VARS2: variants seen among roughly 807,000 people sequenced by gnomAD.
VARS2 encodes valine--tRNA ligase, mitochondrial.
In VARS2, 105 loss-of-function variants were observed where a neutral mutation model predicts 154.1. The observed-to-expected ratio is 0.68, with a 90% CI of 0.58 to 0.80. The LOEUF (loss-of-function observed/expected upper bound fraction) is 0.80. VARS2 is among the 30% of genes least tolerant of loss of function. The pLI is 0.00. For synonymous variants in VARS2, 483 were observed against 539.5 expected, an observed-to-expected ratio of 0.90 and a Z score of 1.45; for missense variants, 1,157 against 1,361.4, an observed-to-expected ratio of 0.85 and a Z score of 2.36.
At position 30,916,889 on chromosome 6, in the gene VARS2, A is replaced by C. The variant is rs1794208889; in HGVS notation, c.683A>C (p.Glu228Ala). The C allele has an allele frequency of 6.2e-7, 1 of 1,614,110 alleles. No individual in the cohort carries two copies. The highest frequency in any genetic ancestry group is 2.2e-5 in the East Asian group (1 of 44,886). ...VWQWKEAKGGEICEQLRALGA... is the reference protein window; with the variant it reads ...VWQWKEAKGGAICEQLRALGA... ...CTCTCTGGGCACAGGAAAGGTGGAG[A>C]GATCTGTGAGCAGCTGCGAGCTCTG... Residue 228 changes from glutamate to alanine, a missense_variant, in exon 8 of 30, where the codon GAG (glutamate) becomes GCG (alanine). Physicochemically the swap from Glu to Ala is moderately radical, Grantham distance 107. Transcript: ENST00000676266. This position sits in a 1 kb window ranked among gnomAD's most constrained non-coding sequence, Gnocchi z 4.0.
Position 30,918,812 on chromosome 6 carries a change from A to C in VARS2, c.986-15A>C. 1 of 1,612,110 alleles carries C rather than the reference A, an allele frequency of 6.2e-7. No individual in the cohort carries two copies. The highest frequency in any genetic ancestry group is 8.5e-7 in the Non-Finnish European group (1 of 1,179,402). On this transcript the variant is annotated splice_polypyrimidine_tract_variant and intron_variant, in intron 10 of 29. Transcript: ENST00000676266. Reference sequence around the variant, plus strand: ...GATGATGACCAGCTGTAAGTGTTTAAATGTTTATCTTCAGATGCAGAGGTT... The same window carrying C: ...GATGATGACCAGCTGTAAGTGTTTACATGTTTATCTTCAGATGCAGAGGTT...
At position 30,914,340 on chromosome 6, in the gene VARS2, T is replaced by G; in HGVS notation, c.-32T>G. 2 of 1,233,428 alleles carry G rather than the reference T, an allele frequency of 1.6e-6. No homozygotes were observed. The highest frequency in any genetic ancestry group is 2.0e-6 in the Non-Finnish European group (2 of 984,758). The allele number at this position is 1,233,428 out of a possible 1,614,324, so 76.4% of individuals were successfully genotyped here. ...GGCGCCCTGGGATAGCGGCGGGGCC[T>G]CCTGGTGAGCGCGCGCCGGGGCGGC... On this transcript the variant is annotated 5_prime_UTR_variant, in exon 1 of 30. Transcript: ENST00000676266.
In VARS2 at chr6:30,925,616, G is replaced by T. The variant is rs770663838; in HGVS notation, c.2858G>T (p.Gly953Val). ...TTCTTGGAGCCCCTGGGCACCCTGG[G>T]CTACTGTGGGGCTGTGGGCCTGTTA... ...EAFLEPLGTLGYCGAVGLLPP... is the reference protein window; with the variant it reads ...EAFLEPLGTLVYCGAVGLLPP... Residue 953 changes from glycine to valine, a missense_variant, in exon 28 of 30, where the codon GGC (glycine) becomes GTC (valine). By Grantham distance (109) the Gly-to-Val change is moderately radical. Coordinates refer to ENST00000676266, the MANE Select transcript of VARS2 (RefSeq NM_020442.6). 32 of 1,611,416 alleles carry T rather than the reference G, an allele frequency of 2.0e-5. No individual in the cohort carries two copies. The highest frequency in any genetic ancestry group is 2.7e-5 in the Non-Finnish European group (32 of 1,179,870).
Position 30,926,339 on chromosome 6 carries a change from C to A in VARS2, c.*129C>A. 1 of 947,598 alleles carries A rather than the reference C, an allele frequency of 1.1e-6. No homozygotes were observed. The highest frequency in any genetic ancestry group is 1.6e-6 in the Non-Finnish European group (1 of 620,576). 58.7% of individuals were successfully genotyped at this position (947,598 alleles called of 1,614,324 possible). On this transcript the variant is annotated 3_prime_UTR_variant, in exon 30 of 30. Transcript: ENST00000676266. The stretch of plus-strand genomic sequence containing the variant: ...ATCGCCTTCATTGTGTAAATGAGGA[C>A]ACAGACTGGCTTGGTCGCAGTGACT...
intron 1 of VARS2, 64 bp from the exon 2 acceptor site, chr6:30,914,746 G>A (rs969604461): frequency 4.1e-6 from 6 of 1,458,230 alleles, no homozygotes; most frequent in Non-Finnish European, 5.6e-6. Context: ...AGGAAAGATG[G>A]AACAAGGGGA....
chr6:30,919,109 C>T lies in VARS2; in HGVS notation c.1074+194C>T, dbSNP rs1454605749. The T allele has an allele frequency of 5.3e-6, 3 of 565,906 alleles. No homozygotes were observed. The highest frequency in any genetic ancestry group is 9.4e-6 in the Non-Finnish European group (3 of 318,720). The allele number at this position is 565,906 out of a possible 1,614,324, so 35.1% of individuals were successfully genotyped here. The stretch of plus-strand genomic sequence containing the variant: ...AGGGGTTGACAAACTGGCCCATGGT[C>T]CTAATCCAGCTTGCGGCCTTTTTTT... On this transcript the variant is annotated intron_variant, in intron 11 of 29. Transcript: ENST00000676266. The surrounding 1 kb of genome is among the most constrained non-coding windows in gnomAD (Gnocchi z 4.5).
Position 30,926,376 on chromosome 6 carries a change from G to C in VARS2, c.*166G>C. On this transcript the variant is annotated 3_prime_UTR_variant, in exon 30 of 30. Transcript: ENST00000676266. Reference sequence around the variant, plus strand: ...TGGTCGCAGTGACTGTGGTGTCCTTGAGATGCTCACATTACTGCCCGGCCT... The same window carrying C: ...TGGTCGCAGTGACTGTGGTGTCCTTCAGATGCTCACATTACTGCCCGGCCT... 1.4e-6 allele frequency: 1 copy of C among 700,692 alleles called. No homozygotes were observed. The highest frequency in any genetic ancestry group is 1.8e-5 in the African/African-American group (1 of 55,996). 43.4% of individuals were successfully genotyped at this position (700,692 alleles called of 1,614,324 possible). A position where few individuals can be genotyped will look rare whatever the true frequency, so the allele number is the denominator to read the frequency against.
chr6:30,925,734 TG>T lies in VARS2; in HGVS notation c.2961+19del, dbSNP rs1423589406. On this transcript the variant is annotated intron_variant, in intron 28 of 29. Coordinates refer to ENST00000676266, the MANE Select transcript of VARS2 (RefSeq NM_020442.6). ...TGGAGCTGCAGGTGACCAGAGGGGA[TG>T]GGGAGGGTTAGGGCAGGCTTGGGAA... 1 of 1,610,002 alleles carries T rather than the reference TG, an allele frequency of 6.2e-7. No individual in the cohort carries two copies. Among genetic ancestry groups the T allele is most frequent in the East Asian group, 2.2e-5 (1 of 44,808 alleles).
In VARS2 at chr6:30,921,781, G is replaced by A. The variant is rs1200779966; in HGVS notation, c.1735+90G>A. On this transcript the variant is annotated intron_variant, in intron 18 of 29. Transcript: ENST00000676266. This position sits in a 1 kb window ranked among gnomAD's most constrained non-coding sequence, Gnocchi z 4.6. ...GGGAACAGATCCCAAGATACAGAAG[G>A]TAGGGTCAGGAAAGTTGGGAATGGA... 1 of 1,533,752 alleles carries A rather than the reference G, an allele frequency of 6.5e-7. No homozygotes were observed. Among genetic ancestry groups the A allele is most frequent in the Non-Finnish European group, 8.9e-7 (1 of 1,128,578 alleles).
At position 30,920,245 on chromosome 6, in the gene VARS2, T is replaced by C. The variant is rs1289093155; in HGVS notation, c.1293+29T>C. ...GTACCACCCTATGTTACCCCATCCT[T>C]TGGGGGCTCTCTGTCCCCCTAATCC... On this transcript the variant is annotated intron_variant, in intron 13 of 29. Coordinates refer to ENST00000676266, the MANE Select transcript of VARS2 (RefSeq NM_020442.6). This position sits in a 1 kb window ranked among gnomAD's most constrained non-coding sequence, Gnocchi z 4.6. The C allele has an allele frequency of 1.5e-5, 24 of 1,561,540 alleles. No individual in the cohort carries two copies. The highest frequency in any genetic ancestry group is 2.0e-5 in the Non-Finnish European group (23 of 1,153,830).
chr6:30,925,489 G>A, intron 27 of VARS2, 55 bp from the exon 28 acceptor site: 1 of 1,559,476 alleles, frequency 6.4e-7, no homozygotes, highest in Non-Finnish European at 8.6e-7. Context: ...GAGGTGCAGG[G>A]TAGGAAGGGA....
chr6:30,920,014 C>CAGGTGATGGGGCGGTGT lies in VARS2; in HGVS notation c.1166-67_1166-66insGGGCGGTGTAGGTGATG. The CAGGTGATGGGGCGGTGT allele has an allele frequency of 6.6e-7, 1 of 1,504,044 alleles. No homozygotes were observed. The highest frequency in any genetic ancestry group is 2.3e-5 in the East Asian group (1 of 43,346). 93.2% of individuals were successfully genotyped at this position (1,504,044 alleles called of 1,614,324 possible). ...GAAAGTCGCAGGGGCTGGGGCGGTG[C>CAGGTGATGGGGCGGTGT]AGGTGATGATGATACATCTGGAAAA... On this transcript the variant is annotated intron_variant, in intron 12 of 29. Coordinates refer to ENST00000676266, the MANE Select transcript of VARS2 (RefSeq NM_020442.6). This position sits in a 1 kb window ranked among gnomAD's most constrained non-coding sequence, Gnocchi z 4.6.
Position 30,920,893 on chromosome 6 carries a change from TG to T in VARS2, c.1479+147del. The T allele has an allele frequency of 9.1e-7, 1 of 1,098,560 alleles. No individual in the cohort carries two copies. The highest frequency in any genetic ancestry group is 1.3e-6 in the Non-Finnish European group (1 of 780,120). 68.1% of individuals were successfully genotyped at this position (1,098,560 alleles called of 1,614,324 possible). A position where few individuals can be genotyped will look rare whatever the true frequency, so the allele number is the denominator to read the frequency against. ...CTGAGAGGATGTGTGGGATGGAGGC[TG>T]GGCGGCCCAGCAAGGGCTGGCTCAT... On this transcript the variant is annotated intron_variant, in intron 15 of 29. Transcript: ENST00000676266. This position sits in a 1 kb window ranked among gnomAD's most constrained non-coding sequence, Gnocchi z 4.6.
At position 30,917,755 on chromosome 6, in the gene VARS2, G is replaced by A. The variant is rs946672415; in HGVS notation, c.934G>A (p.Val312Met). ...TCGACTGCCTGGCTGCCCCACCCCCGTGTCTTTTGGCCTCCTATTTTCTGT... is the reference window on the plus strand; with the variant it reads ...TCGACTGCCTGGCTGCCCCACCCCCATGTCTTTTGGCCTCCTATTTTCTGT... Reference protein sequence around the residue: ...QLRLPGCPTPVSFGLLFSVAF... With the variant: ...QLRLPGCPTPMSFGLLFSVAF... Residue 312 changes from valine to methionine, a missense_variant, in exon 10 of 30, where the codon GTG (valine) becomes ATG (methionine). By Grantham distance (21) the Val-to-Met change is conservative (BLOSUM62 1). Coordinates refer to ENST00000676266, the MANE Select transcript of VARS2 (RefSeq NM_020442.6). This position sits in a 1 kb window ranked among gnomAD's most constrained non-coding sequence, Gnocchi z 4.4. 7.0e-5 allele frequency: 110 copies of A among 1,566,320 alleles called. No individual in the cohort carries two copies. The highest frequency in any genetic ancestry group is 8.5e-5 in the Non-Finnish European group (98 of 1,155,062).
At chr6:30,924,658 G>A (rs1794734119) in intron 26 of VARS2, 98 bp downstream of exon 26, 9 of 678,812 alleles carry the variant, frequency 1.3e-5, no homozygotes, top group Non-Finnish European at 2.2e-5. Flanking sequence ...GGAATGGTTC[G>A]TACTTTACTG....
chr6:30,914,634 A>G (rs1445825572), intron 1 of VARS2, 176 bp from the exon 2 acceptor site: 2 of 1,100,586 alleles, frequency 1.8e-6, no homozygotes, highest in East Asian at 2.7e-5. Context: ...CCGTGGCTCC[A>G]TGGCGCTGTC....
At position 30,921,967 on chromosome 6, in the gene VARS2, C is replaced by G; in HGVS notation, c.1778C>G (p.Pro593Arg). Reference protein sequence around the residue: ...LDTWFSSALFPFSALGWPQET... With the variant: ...LDTWFSSALFRFSALGWPQET... Reference sequence around the variant, plus strand: ...ACATGGTTTTCTTCTGCCCTGTTCCCCTTTTCTGCCCTGGGCTGGCCCCAA... The same window carrying G: ...ACATGGTTTTCTTCTGCCCTGTTCCGCTTTTCTGCCCTGGGCTGGCCCCAA... Residue 593 changes from proline to arginine, a missense_variant, in exon 19 of 30, where the codon CCC (proline) becomes CGC (arginine). Pro to Arg is a moderately radical substitution (Grantham distance 103, BLOSUM62 -2). Coordinates refer to ENST00000676266, the MANE Select transcript of VARS2 (RefSeq NM_020442.6). This position sits in a 1 kb window ranked among gnomAD's most constrained non-coding sequence, Gnocchi z 4.6. The G allele has an allele frequency of 1.9e-6, 3 of 1,613,010 alleles. No individual in the cohort carries two copies. Among genetic ancestry groups the G allele is most frequent in the Non-Finnish European group, 2.5e-6 (3 of 1,180,010 alleles).
At chr6:30,915,631 C>T in intron 4 of VARS2, 115 bp from the exon 5 acceptor site, 5 of 1,535,950 alleles carry the variant, frequency 3.3e-6, no homozygotes, top group Non-Finnish European at 3.5e-6. Context: ...CTCCACTCTC[C>T]TCTTATTTGC....
At position 30,921,038 on chromosome 6, in the gene VARS2, A is replaced by T; in HGVS notation, c.1480-27A>T. The T allele has an allele frequency of 6.3e-7, 1 of 1,594,274 alleles. No individual in the cohort carries two copies. On this transcript the variant is annotated intron_variant, in intron 15 of 29. Coordinates refer to ENST00000676266, the MANE Select transcript of VARS2 (RefSeq NM_020442.6). The surrounding 1 kb of genome is among the most constrained non-coding windows in gnomAD (Gnocchi z 4.6). Reference sequence around the variant, plus strand: ...GGTGCGGCCGTGCAGGAAGGGCAACATTGTCTAAAGTCCCCTTTCTCTCCA... The same window carrying T: ...GGTGCGGCCGTGCAGGAAGGGCAACTTTGTCTAAAGTCCCCTTTCTCTCCA...
Sources: allele counts gnomAD v4.1 joint callset, GRCh38; gene constraint gnomAD v4.1.1; non-coding constraint Gnocchi (gnomAD v3.1); transcripts MANE v1.5; gene names NCBI Gene and HGNC (gene_info 2026-07-23, HGNC 2026-07-21).